Variants in LARGE1 observed in about 807,000 individuals in gnomAD.
LARGE1 encodes the protein xylosyl- and glucuronyltransferase LARGE1.
In LARGE1, 43 loss-of-function variants were observed where a neutral mutation model predicts 87.6. The ratio of observed to expected loss-of-function variants is 0.49; its 90% CI spans 0.38 to 0.63. LARGE1 has a LOEUF of 0.63. Ranked by LOEUF, LARGE1 falls within the 30% of genes least tolerant of loss-of-function variation. LARGE1 has a pLI of 0.00. For synonymous variants in LARGE1, 434 were observed against 394.6 expected (o/e 1.10, Z -1.18); for missense variants, 802 against 1,000.2 (o/e 0.80, Z 2.67).
chr22:33,329,557 G>A (rs1375289631), intron 10 of LARGE1, among the ~76,000 whole-genome samples: 1 of 152,000 alleles, frequency 6.6e-6, no homozygotes, highest in Non-Finnish European at 1.5e-5. Flanking sequence ...CACAGAATAA[G>A]CAGTGAACAG....
Position 33,847,823 on chromosome 22 carries a change from T to A in LARGE1, c.-83+72172A>T, listed in dbSNP as rs138739902. On this transcript the variant is annotated intron_variant, in intron 1 of 14. Coordinates refer to ENST00000397394, the MANE Select transcript of LARGE1 (RefSeq NM_133642.5). ...GAAACAACTGCCTAAAAACCCAGCA[T>A]GGCTCCATCTTTCTACTGCCTTAAC... 1.9e-4 allele frequency among the ~76,000 whole-genome samples: 29 copies of A among 152,382 alleles called. No homozygotes were observed. In the East Asian group the frequency reaches 4.2e-3, roughly 22 times the overall value.
chr22:33,368,378 G>T (rs1334930243), intron 9 of LARGE1, among the ~76,000 whole-genome samples: 1 of 151,814 alleles, frequency 6.6e-6, no homozygotes, highest in Non-Finnish European at 1.5e-5. Context: ...TACCAAAAAT[G>T]CAAAAATTAG....
intron 1 of LARGE1, among the ~76,000 whole-genome samples, chr22:33,860,219 C>T (rs148630484): frequency 8.1e-4 from 123 of 152,190 alleles, no homozygotes; most frequent in African/African-American, 2.8e-3. Context: ...CTTGAACTCC[C>T]GGACTCAAGT....
chr22:33,883,499 A>G (rs761780058), intron 1 of LARGE1, among the ~76,000 whole-genome samples: 5 of 152,172 alleles, frequency 3.3e-5, no homozygotes, highest in African/African-American at 9.7e-5. Context: ...TGCACAACCA[A>G]GAAGTAGCCT....
chr22:33,874,093 A>T (rs1049451116), intron 1 of LARGE1, among the ~76,000 whole-genome samples: 1 of 151,908 alleles, frequency 6.6e-6, no homozygotes, highest in Non-Finnish European at 1.5e-5. Flanking sequence ...AAAATGGTAC[A>T]TTATTTCCAC....
the LARGE1 span, among the ~76,000 whole-genome samples, chr22:33,104,911 CTTTCTTTCTTTCTTTCTTTCTT>C: frequency 1.5e-5 from 1 of 66,458 alleles, no homozygotes; most frequent in Non-Finnish European, 4.0e-5. Context: ...TTCTTTCTTT[CTTTCTTTCTTTCTTTCTTTCTT>C]TCTTTCTTTC....
chr22:33,556,564 GAGGCAGGCAGGCAGGCAGGCA>G (rs2077692308), intron 6 of LARGE1, among the ~76,000 whole-genome samples: 1 of 59,904 alleles, frequency 1.7e-5, no homozygotes. Flanking sequence ...GGGAGGGAGG[GAGGCAGGCAGGCAGGCAGGCA>G]GGAAGGCAGG....
intron 5 of LARGE1, 126 bp from the exon 6 acceptor site, chr22:33,565,145 A>C (rs1043831041): frequency 9.5e-6 from 8 of 843,992 alleles, no homozygotes; most frequent in African/African-American, 3.4e-5. Context: ...TTGTTGAATA[A>C]ATGAATGAGT....
intron 3 of LARGE1, among the ~76,000 whole-genome samples, chr22:33,646,764 A>G (rs240332): frequency 0.66 from 100,902 of 152,086 alleles, 34,472 homozygotes; most frequent in African/African-American, 0.82. Context: ...GTCTCGCTCT[A>G]TTGCCCAGGC....
chr22:33,212,771 A>G (rs189563333), intron 11 of LARGE1, among the ~76,000 whole-genome samples: 2 of 152,286 alleles, frequency 1.3e-5, no homozygotes, highest in African/African-American at 2.4e-5. Flanking sequence ...TAATCCCAGC[A>G]CTTTGGGAGG....
chr22:33,475,690 C>T (rs1478974715), intron 6 of LARGE1, among the ~76,000 whole-genome samples: 2 of 152,138 alleles, frequency 1.3e-5, no homozygotes, highest in South Asian at 2.1e-4. Flanking sequence ...CTCGAACTCC[C>T]GACCTCAGTT....
chr22:33,256,780 T>C (rs1255189403), intron 11 of LARGE1, among the ~76,000 whole-genome samples: 4 of 152,238 alleles, frequency 2.6e-5, no homozygotes, highest in African/African-American at 4.8e-5. Context: ...ATTTTGTTCA[T>C]ATATTCATTT....
At chr22:33,630,858 C>T (rs1008281877) in intron 3 of LARGE1, among the ~76,000 whole-genome samples, 5 of 146,024 alleles carry the variant, frequency 3.4e-5, no homozygotes, top group Non-Finnish European at 7.6e-5. Context: ...TTAACTATCT[C>T]TTTTTTTTTT....
intron 5 of LARGE1, among the ~76,000 whole-genome samples, chr22:33,599,261 T>C (rs977578780): frequency 7.2e-5 from 11 of 152,224 alleles, no homozygotes. Flanking sequence ...CCCCACACTT[T>C]AACTTAAGTG....
intron 2 of LARGE1, among the ~76,000 whole-genome samples, chr22:33,684,660 G>C (rs564480562): frequency 5.3e-5 from 8 of 152,268 alleles, no homozygotes; most frequent in Non-Finnish European, 1.0e-4. Flanking sequence ...ACTAGGACAT[G>C]CAAGGATGAA....
intron 1 of LARGE1, among the ~76,000 whole-genome samples, chr22:33,885,974 G>C (rs2064832692): frequency 6.6e-6 from 1 of 152,084 alleles, no homozygotes; most frequent in African/African-American, 2.4e-5. Flanking sequence ...AGATTGCAGT[G>C]AGCCGAGATC....
At chr22:33,803,049 C>T (rs1373746118) in intron 1 of LARGE1, among the ~76,000 whole-genome samples, 2 of 152,134 alleles carry the variant, frequency 1.3e-5, no homozygotes, top group African/African-American at 2.4e-5. Flanking sequence ...AAGATGACGA[C>T]GGATACCAAG....
At chr22:33,159,423 G>A (rs902979222), downstream of LARGE1, among the ~76,000 whole-genome samples, 3 of 151,840 alleles carry the variant, frequency 2.0e-5, no homozygotes, top group African/African-American at 4.8e-5. Flanking sequence ...TTTCAGTGGA[G>A]TATTTAAGGT....
chr22:33,392,714 C>T (rs532268108), intron 7 of LARGE1, among the ~76,000 whole-genome samples: 77 of 152,114 alleles, frequency 5.1e-4, no homozygotes, highest in African/African-American at 1.8e-3. Flanking sequence ...AAAGTGGATG[C>T]CACTTTAAAG....
Sources: allele counts gnomAD v4.1 joint callset (sites outside exome capture counted in the v4.1 genomes callset), GRCh38; gene constraint gnomAD v4.1.1; transcripts MANE v1.5; gene names NCBI Gene and HGNC (gene_info 2026-07-23, HGNC 2026-07-21).